FAAH2: variants seen among roughly 807,000 people sequenced by gnomAD.
FAAH2 encodes the protein fatty acid amide hydrolase 2.
In FAAH2, 60 loss-of-function variants were observed where a neutral mutation model predicts 36.9. The ratio of observed to expected loss-of-function variants is 1.63; its 90% CI spans 1.32 to 2.02. The LOEUF (loss-of-function observed/expected upper bound fraction) is 2.02. FAAH2 is among the 30% of genes most tolerant of loss of function. FAAH2 has a pLI of 0.00. For synonymous variants in FAAH2, 214 were observed against 143.8 expected (o/e 1.49, Z -3.49); for missense variants, 689 against 397.5 (o/e 1.73, Z -6.23).
chrX:57,378,719 C>A lies in FAAH2; in HGVS notation c.811C>A (p.Pro271Thr), dbSNP rs1477016358. The A allele has an allele frequency of 8.3e-7, 1 of 1,207,702 alleles. No homozygotes were observed. Among genetic ancestry groups the A allele is most frequent in the East Asian group, 3.0e-5 (1 of 33,678 alleles). The change falls in exon 6 of 11, where the codon CCT (proline) becomes ACT (threonine). Residue 271 changes from proline to threonine, a missense_variant. Pro to Thr is a conservative substitution (Grantham distance 38). Transcript: ENST00000374900. ...GAQELFLCTGPMCRYAEDLAP... is the reference protein window; with the variant it reads ...GAQELFLCTGTMCRYAEDLAP... ...CCAGGAGTTGTTTCTGTGCACTGGTCCTATGTGCCGTTATGCTGAAGACCT... is the reference window on the plus strand; with the variant it reads ...CCAGGAGTTGTTTCTGTGCACTGGTACTATGTGCCGTTATGCTGAAGACCT...
intron 10 of FAAH2, among the ~76,000 whole-genome samples, chrX:57,460,013 A>G (rs1259197501): frequency 1.8e-5 from 2 of 111,812 alleles, no homozygotes; most frequent in Non-Finnish European, 3.8e-5. Flanking sequence ...AATTGACAGA[A>G]GTAGGCTTCA....
the FAAH2 span, among the ~76,000 whole-genome samples, chrX:57,242,322 G>A: frequency 4.6e-4 from 52 of 112,627 alleles, no homozygotes; most frequent in Non-Finnish European, 8.3e-4. Context: ...AACAGGGTCT[G>A]GAGTGGACCT....
At chrX:57,149,435 G>T in the FAAH2 span, among the ~76,000 whole-genome samples, 3 of 111,463 alleles carry the variant, frequency 2.7e-5, no homozygotes, top group East Asian at 2.8e-4. Flanking sequence ...CAATTTCAGA[G>T]CCTGTTATTG....
the FAAH2 span, among the ~76,000 whole-genome samples, chrX:57,204,600 C>G: frequency 2.7e-5 from 3 of 111,922 alleles, no homozygotes; most frequent in Non-Finnish European, 5.6e-5. Flanking sequence ...AACCTCTACC[C>G]CAATTTACTA....
the FAAH2 span, among the ~76,000 whole-genome samples, chrX:57,270,402 G>A: frequency 1.8e-5 from 2 of 111,853 alleles, no homozygotes; most frequent in African/African-American, 6.5e-5. Context: ...AAACCTGGCA[G>A]CAATGCAACA....
chrX:57,123,517 C>G, the FAAH2 span, among the ~76,000 whole-genome samples: 1 of 112,224 alleles, frequency 8.9e-6, no homozygotes, highest in South Asian at 3.7e-4. Context: ...GGTATATACC[C>G]AGTAATGGGA....
At chrX:57,300,232 C>G (rs1409813953) in intron 2 of FAAH2, among the ~76,000 whole-genome samples, 1 of 111,696 alleles carries the variant, frequency 9.0e-6, no homozygotes, top group Admixed American at 9.5e-5. Flanking sequence ...GTAATCAAAA[C>G]AGTATGGTAC....
At chrX:57,168,366 C>G in the FAAH2 span, among the ~76,000 whole-genome samples, 2 of 106,559 alleles carry the variant, frequency 1.9e-5, no homozygotes, top group Non-Finnish European at 3.9e-5. Flanking sequence ...GCTGATAGAG[C>G]AAGGATATAT....
the FAAH2 span, chrX:57,135,183 TC>T: frequency 8.6e-6 from 1 of 115,956 alleles, no homozygotes; most frequent in African/African-American, 3.3e-5. Flanking sequence ...CATAGCCTCT[TC>T]CTTTGTGTAT....
At chrX:57,164,928 G>T in the FAAH2 span, among the ~76,000 whole-genome samples, 1 of 112,201 alleles carries the variant, frequency 8.9e-6, no homozygotes, top group East Asian at 2.8e-4. Context: ...AATTCAGGTT[G>T]GACCTTCGTT....
At position 57,336,118 on chromosome X, in the gene FAAH2, C is replaced by T. The variant is rs772937430; in HGVS notation, c.622+4311C>T. On this transcript the variant is annotated intron_variant, in intron 4 of 10. Transcript: ENST00000374900. Reference sequence around the variant, plus strand: ...TACACATCCAGATGGCTGGTTCCTACCTTAACTAATGACATTCCACCACAA... The same window carrying T: ...TACACATCCAGATGGCTGGTTCCTATCTTAACTAATGACATTCCACCACAA... Among the ~76,000 whole-genome samples, 4 of 111,124 alleles carry T rather than the reference C, an allele frequency of 3.6e-5. No individual in the cohort carries two copies. In the South Asian group the frequency reaches 1.5e-3, roughly 43 times the overall value.
the FAAH2 span, among the ~76,000 whole-genome samples, chrX:57,192,320 A>T: frequency 9.0e-6 from 1 of 111,636 alleles, no homozygotes; most frequent in African/African-American, 3.3e-5. Flanking sequence ...CCTGCAACTA[A>T]ATATTATCAG....
At chrX:57,384,154 A>G (rs2054941214) in intron 7 of FAAH2, among the ~76,000 whole-genome samples, 1 of 109,821 alleles carries the variant, frequency 9.1e-6, no homozygotes, top group East Asian at 2.8e-4. Context: ...CCTTCCTTAC[A>G]CCTTATACAA....
chrX:57,234,667 A>T, the FAAH2 span, among the ~76,000 whole-genome samples: 2 of 111,247 alleles, frequency 1.8e-5, no homozygotes, highest in Non-Finnish European at 3.8e-5. Flanking sequence ...ATAGGGTTCA[A>T]TCTCCTGTAA....
At chrX:57,307,635 A>G (rs769108295) in intron 2 of FAAH2, among the ~76,000 whole-genome samples, 8 of 111,784 alleles carry the variant, frequency 7.2e-5, no homozygotes, top group Admixed American at 2.9e-4. Flanking sequence ...TTTTAAAAAT[A>G]TAATATCAAC....
At chrX:57,401,530 G>T (rs1478033934) in intron 7 of FAAH2, among the ~76,000 whole-genome samples, 2 of 111,467 alleles carry the variant, frequency 1.8e-5, no homozygotes, top group African/African-American at 3.3e-5. Flanking sequence ...CTGAGATCTT[G>T]CACTAACCTT....
intron 10 of FAAH2, among the ~76,000 whole-genome samples, chrX:57,473,759 A>G (rs1307879697): frequency 9.0e-6 from 1 of 111,730 alleles, no homozygotes; most frequent in African/African-American, 3.2e-5. Flanking sequence ...TTCTTAATAT[A>G]TAATGACCTT....
intron 5 of FAAH2, among the ~76,000 whole-genome samples, chrX:57,361,664 T>C (rs2054288821): frequency 9.0e-6 from 1 of 111,412 alleles, no homozygotes; most frequent in East Asian, 2.8e-4. Context: ...ATATTATATA[T>C]ATATTTTTTT....
At chrX:57,454,492 A>G (rs1360068453) in intron 10 of FAAH2, among the ~76,000 whole-genome samples, 1 of 112,329 alleles carries the variant, frequency 8.9e-6, no homozygotes, top group Admixed American at 9.4e-5. Context: ...CATAGAATTC[A>G]GAAGCTGGAT....
Sources: gnomAD v4.1 joint callset for allele counts (sites outside exome capture counted in the v4.1 genomes callset) on GRCh38, gnomAD v4.1.1 for gene constraint, MANE v1.5 for transcripts, NCBI Gene and HGNC (gene_info 2026-07-23, HGNC 2026-07-21) for gene names.